ZNF704: variants seen among roughly 807,000 people sequenced by gnomAD.
The protein encoded by ZNF704 is glucocorticoid induced gene 1.
A neutral mutation model predicts 44.7 loss-of-function variants in ZNF704; 10 were observed. The observed-to-expected ratio is 0.22, with a 90% CI of 0.14 to 0.38. ZNF704 has a LOEUF of 0.38. ZNF704 is among the 10% of genes least tolerant of loss of function. The pLI, the probability that ZNF704 is intolerant of heterozygous loss-of-function variation, is 1.00. For missense variants in ZNF704, 390 were observed against 545.5 expected, an observed-to-expected ratio of 0.71 and a Z score of 2.84; for synonymous variants, 211 against 207.6, an observed-to-expected ratio of 1.02 and a Z score of -0.14.
chr8:80,647,697 C>T (rs1201197849), intron 7 of ZNF704, among the ~76,000 whole-genome samples: 1 of 152,174 alleles, frequency 6.6e-6, no homozygotes, highest in African/African-American at 2.4e-5. Context: ...AAGAAAATTG[C>T]ATCTCTAGAT....
At chr8:80,859,429 A>G (rs1281788933) in intron 1 of ZNF704, among the ~76,000 whole-genome samples, 1 of 152,148 alleles carries the variant, frequency 6.6e-6, no homozygotes, top group Non-Finnish European at 1.5e-5. Context: ...TGATAGTGGG[A>G]AAGCAAGTGT....
chr8:80,877,524 G>A (rs1809371343), upstream of ZNF704, among the ~76,000 whole-genome samples: 1 of 152,218 alleles, frequency 6.6e-6, no homozygotes, highest in African/African-American at 2.4e-5. Flanking sequence ...AGTCATTGCT[G>A]CTTCTTTCCC....
chr8:80,670,469 G>C, intron 5 of ZNF704, 34 bp downstream of exon 5: 1 of 1,515,384 alleles, frequency 6.6e-7, no homozygotes, highest in Non-Finnish European at 9.2e-7. Context: ...CTGAGCAGAT[G>C]GGGGCTGCAT....
At chr8:80,761,786 A>T (rs557423253) in intron 2 of ZNF704, among the ~76,000 whole-genome samples, 1 of 152,248 alleles carries the variant, frequency 6.6e-6, no homozygotes, top group Non-Finnish European at 1.5e-5. Flanking sequence ...AATCATATTC[A>T]TAAATAGGTC....
Position 80,751,042 on chromosome 8 carries a change from T to C in ZNF704, c.222-57935A>G, listed in dbSNP as rs533322837. Among the ~76,000 whole-genome samples the C allele has an allele frequency of 8.5e-5, 13 of 152,374 alleles. No homozygotes were observed. In the South Asian group the frequency reaches 2.5e-3, roughly 29 times the overall value. ...TCTTGTGTGGGAAAATGTTTATTCT[T>C]GCAATGTAGATAACTGTGTTTTAAT... On this transcript the variant is annotated intron_variant, in intron 2 of 8. Coordinates refer to ENST00000327835, the MANE Select transcript of ZNF704 (RefSeq NM_001033723.3).
At chr8:80,874,830 A>G (rs1412595375), upstream of ZNF704, 2 of 152,214 alleles carry the variant, frequency 1.3e-5, no homozygotes, top group East Asian at 3.9e-4. The surrounding 1 kb of genome is among the most constrained non-coding windows in gnomAD (Gnocchi z 4.4). Context: ...AATTCCTAAT[A>G]TGAATCATCA....
At chr8:80,697,421 G>A (rs1440190498) in intron 2 of ZNF704, among the ~76,000 whole-genome samples, 1 of 152,094 alleles carries the variant, frequency 6.6e-6, no homozygotes, top group Non-Finnish European at 1.5e-5. Context: ...AGATTAAGAG[G>A]GACACTGCCC....
intron 2 of ZNF704, among the ~76,000 whole-genome samples, chr8:80,741,971 A>T (rs568634798): frequency 6.6e-6 from 1 of 152,328 alleles, no homozygotes; most frequent in East Asian, 1.9e-4. Flanking sequence ...AAATATATAT[A>T]CAGACTCTAA....
At chr8:80,837,561 C>T (rs1808603248) in intron 1 of ZNF704, among the ~76,000 whole-genome samples, 1 of 151,318 alleles carries the variant, frequency 6.6e-6, no homozygotes, top group Middle Eastern at 3.2e-3. Context: ...ATCGAGCTGC[C>T]TGGTCCCCAG....
chr8:80,652,543 T>C (rs2131598201), intron 7 of ZNF704, among the ~76,000 whole-genome samples: 1 of 152,296 alleles, frequency 6.6e-6, no homozygotes, highest in Non-Finnish European at 1.5e-5. Context: ...TAAACACCTC[T>C]ATGCAAATAA....
At chr8:80,792,021 T>C (rs1807717060) in intron 2 of ZNF704, among the ~76,000 whole-genome samples, 1 of 151,768 alleles carries the variant, frequency 6.6e-6, no homozygotes, top group African/African-American at 2.4e-5. Context: ...GAAAGAAAAA[T>C]AGAAGACCAA....
At chr8:80,761,421 C>T (rs551478148) in intron 2 of ZNF704, among the ~76,000 whole-genome samples, 12 of 152,148 alleles carry the variant, frequency 7.9e-5, no homozygotes, top group African/African-American at 2.9e-4. Context: ...TAAATTTAAC[C>T]TTTTTGGGGG....
At chr8:80,822,101 A>C (rs1361588213) in intron 1 of ZNF704, among the ~76,000 whole-genome samples, 1 of 152,138 alleles carries the variant, frequency 6.6e-6, no homozygotes, top group Non-Finnish European at 1.5e-5. Flanking sequence ...CCCAACAGTT[A>C]AGATTTTTTT....
chr8:80,713,096 C>T, intron 2 of ZNF704, among the ~76,000 whole-genome samples: 1 of 152,024 alleles, frequency 6.6e-6, no homozygotes, highest in East Asian at 1.9e-4. Flanking sequence ...GAGGTTTCAC[C>T]ATTTTGGTCA....
chr8:80,709,553 A>T (rs1447954987), intron 2 of ZNF704, among the ~76,000 whole-genome samples: 1 of 149,900 alleles, frequency 6.7e-6, no homozygotes, highest in Non-Finnish European at 1.5e-5. Context: ...CTTACTGGGG[A>T]AGGTGCCTAT....
chr8:80,654,699 T>G (rs1314022330), intron 7 of ZNF704, among the ~76,000 whole-genome samples: 1 of 152,176 alleles, frequency 6.6e-6, no homozygotes, highest in Non-Finnish European at 1.5e-5. Flanking sequence ...CAACAGGTGC[T>G]GGAGAGGATG....
rs114199236 is a variant in ZNF704 at position 80,738,508 on chromosome 8, G to A, written c.222-45401C>T. Among the ~76,000 whole-genome samples, 572 of 151,788 alleles carry A rather than the reference G, an allele frequency of 3.8e-3. 3 individuals carry two copies. Among genetic ancestry groups the A allele is most frequent in the African/African-American group, 0.013 (556 of 41,368 alleles). ...ATATGGCTTAAAAAAGTTAAGTACT[G>A]TACCCAAGGTGACACAGCTAGCGAG... is the stretch of plus-strand genomic sequence containing the variant. On this transcript the variant is annotated intron_variant, in intron 2 of 8. Transcript: ENST00000327835.
chr8:80,870,049 T>C (rs949868164), intron 1 of ZNF704, among the ~76,000 whole-genome samples: 2 of 152,206 alleles, frequency 1.3e-5, no homozygotes, highest in Non-Finnish European at 2.9e-5. Flanking sequence ...AATTATTCCC[T>C]GGTCAAGCCT....
At chr8:80,815,720 A>G (rs1373429361) in intron 2 of ZNF704, among the ~76,000 whole-genome samples, 2 of 152,232 alleles carry the variant, frequency 1.3e-5, no homozygotes, top group East Asian at 3.8e-4. Context: ...TGGGTGAGTC[A>G]CTTAACTTTC....
Sources: allele counts gnomAD v4.1 joint callset (sites outside exome capture counted in the v4.1 genomes callset), GRCh38; gene constraint gnomAD v4.1.1; non-coding constraint Gnocchi (gnomAD v3.1); transcripts MANE v1.5; gene names NCBI Gene and HGNC (gene_info 2026-07-23, HGNC 2026-07-21).